Variants in CHD9 observed in about 807,000 individuals in gnomAD.
CHD9 encodes the protein chromodomain helicase DNA binding protein 9.
Under a neutral mutation model 316.1 loss-of-function variants are expected in CHD9, and 77 were observed. That is an observed-to-expected ratio of 0.24 (90% CI 0.20 to 0.29). The LOEUF (loss-of-function observed/expected upper bound fraction) is 0.29, where lower values mean the gene tolerates loss of function less well. Among genes scored for constraint, CHD9 ranks in the 10% least tolerant of loss-of-function variants. The pLI is 1.00. For missense variants in CHD9, 2,763 were observed against 3,438.1 expected (o/e 0.80, Z 4.91); for synonymous variants, 1,129 against 1,158.3 (o/e 0.97, Z 0.51).
chr16:53,158,552 AATAAAGG>A (rs1273363600), intron 2 of CHD9, among the ~76,000 whole-genome samples: 1 of 152,220 alleles, frequency 6.6e-6, no homozygotes, highest in East Asian at 1.9e-4. Flanking sequence ...AATGTGAAAT[AATAAAGG>A]ATTAATAGAT....
chr16:53,079,918 G>C (rs971777775), intron 1 of CHD9, among the ~76,000 whole-genome samples: 3 of 152,166 alleles, frequency 2.0e-5, no homozygotes, highest in Non-Finnish European at 4.4e-5. Flanking sequence ...TAAACATAAG[G>C]AAAGTGTTTC....
At chr16:53,217,020 C>T (rs2046815600) in intron 3 of CHD9, among the ~76,000 whole-genome samples, 1 of 152,078 alleles carries the variant, frequency 6.6e-6, no homozygotes, top group African/African-American at 2.4e-5. Flanking sequence ...TCCTGTTAAC[C>T]AATCTGCAGA....
intron 12 of CHD9, among the ~76,000 whole-genome samples, chr16:53,241,521 C>T (rs1443233644): frequency 2.0e-5 from 3 of 152,206 alleles, no homozygotes; most frequent in African/African-American, 7.2e-5. Flanking sequence ...TTAACAACTC[C>T]ACATGGATAT....
chr16:53,245,312 G>A lies in CHD9; in HGVS notation c.3055-24G>A, dbSNP rs757966652. 1 of 1,478,032 alleles carries A rather than the reference G, an allele frequency of 6.8e-7. No individual in the cohort carries two copies. The highest frequency in any genetic ancestry group is 9.0e-7 in the Non-Finnish European group (1 of 1,114,964). 91.6% of individuals were successfully genotyped at this position (1,478,032 alleles called of 1,614,324 possible). A position where few individuals can be genotyped will look rare whatever the true frequency, so the allele number is the denominator to read the frequency against. ...TAATTTTAGTACTGTGATGTTTGATGTGAATTGTTCTCACTTTTTGTAGGA... is the reference window on the plus strand; with the variant it reads ...TAATTTTAGTACTGTGATGTTTGATATGAATTGTTCTCACTTTTTGTAGGA... On this transcript the variant is annotated intron_variant, in intron 13 of 38. Transcript: ENST00000447540. This position sits in a 1 kb window ranked among gnomAD's most constrained non-coding sequence, Gnocchi z 4.1.
intron 31 of CHD9, 41 bp from the exon 32 acceptor site, chr16:53,306,196 A>G (rs1178459492): frequency 8.1e-7 from 1 of 1,230,772 alleles, no homozygotes; most frequent in Non-Finnish European, 1.1e-6. Context: ...AAACTATTTT[A>G]TGTAGTCTTT....
intron 2 of CHD9, chr16:53,169,381 T>A (rs144419278): frequency 6.6e-6 from 1 of 152,136 alleles, no homozygotes; most frequent in Non-Finnish European, 1.5e-5. Context: ...TAAGGCTAGA[T>A]CTCAACTGGT....
At chr16:53,104,792 A>T (rs2037179549) in intron 1 of CHD9, among the ~76,000 whole-genome samples, 1 of 149,524 alleles carries the variant, frequency 6.7e-6, no homozygotes, top group African/African-American at 2.5e-5. Context: ...AGCCCGGGTG[A>T]CAGAATGAAA....
chr16:53,279,817 C>T (rs1473801036), intron 24 of CHD9, among the ~76,000 whole-genome samples: 1 of 151,922 alleles, frequency 6.6e-6, no homozygotes, highest in Non-Finnish European at 1.5e-5. Flanking sequence ...ACACAACAAA[C>T]TCAAATTAGA....
At chr16:53,117,276 A>C (rs2152638556) in intron 1 of CHD9, among the ~76,000 whole-genome samples, 1 of 152,334 alleles carries the variant, frequency 6.6e-6, no homozygotes, top group Admixed American at 6.5e-5. Context: ...CCTGTATGAC[A>C]CCATGATAAA....
At chr16:53,094,023 A>C (rs1340468771) in intron 1 of CHD9, among the ~76,000 whole-genome samples, 1 of 152,084 alleles carries the variant, frequency 6.6e-6, no homozygotes, top group Non-Finnish European at 1.5e-5. Context: ...GGCCTGGAGG[A>C]GACTTTATCT....
At chr16:53,117,982 C>G (rs185688814) in intron 1 of CHD9, among the ~76,000 whole-genome samples, 20 of 152,040 alleles carry the variant, frequency 1.3e-4, no homozygotes, top group East Asian at 3.9e-4. Flanking sequence ...CCCGCCACCA[C>G]GCCCAGCTAA....
intron 1 of CHD9, among the ~76,000 whole-genome samples, chr16:53,154,719 C>T (rs1417587839): frequency 3.3e-5 from 5 of 152,160 alleles, no homozygotes; most frequent in Non-Finnish European, 5.9e-5. Flanking sequence ...TGACAGGAGG[C>T]GGAGCTCAGG....
intron 1 of CHD9, among the ~76,000 whole-genome samples, chr16:53,106,034 G>A (rs2037320517): frequency 6.6e-6 from 1 of 152,002 alleles, no homozygotes; most frequent in African/African-American, 2.4e-5. Flanking sequence ...ATGTTGACCA[G>A]GCTTCGAACT....
chr16:53,292,750 A>C (rs878908870), intron 28 of CHD9, 83 bp from the exon 29 acceptor site: 2 of 1,132,826 alleles, frequency 1.8e-6, no homozygotes, highest in Admixed American at 2.2e-5. Context: ...TTGAATTAAA[A>C]ATTTTTAAAG....
chr16:53,324,866 G>C lies in CHD9; in HGVS notation c.8665G>C (p.Glu2889Gln), dbSNP rs1306284956. 6.2e-7 allele frequency: 1 copy of C among 1,601,522 alleles called. No individual in the cohort carries two copies. The highest frequency in any genetic ancestry group is 1.3e-5 in the African/African-American group (1 of 74,190). Residue 2889 changes from glutamate (E) to glutamine (Q), a missense_variant, in exon 39 of 39, where the codon GAG becomes CAG. Glu to Gln is a conservative substitution (Grantham distance 29). Coordinates refer to ENST00000447540, the MANE Select transcript of CHD9 (RefSeq NM_001308319.2). Reference sequence around the variant, plus strand: ...ATCTGATAGTACATCGTCGTCATCTGAGGATTCAGATTCTAGTAATGAAGA... The same window carrying C: ...ATCTGATAGTACATCGTCGTCATCTCAGGATTCAGATTCTAGTAATGAAGA... ...SGSDSTSSSS[E>Q]DSDSSNED
intron 1 of CHD9, among the ~76,000 whole-genome samples, chr16:53,058,309 C>T (rs976008195): frequency 4.6e-5 from 7 of 152,044 alleles, no homozygotes; most frequent in African/African-American, 1.2e-4. Context: ...TTAGTAGAGA[C>T]GAGGTTTCAC....
intron 22 of CHD9, 149 bp from the exon 23 acceptor site, chr16:53,273,477 T>C (rs886199432): frequency 4.0e-6 from 2 of 502,734 alleles, no homozygotes; most frequent in African/African-American, 3.8e-5. Flanking sequence ...TCATCTTGAT[T>C]TGTGGTTGGG....
chr16:53,209,364 A>T, intron 2 of CHD9, 118 bp from the exon 3 acceptor site: 1 of 709,692 alleles, frequency 1.4e-6, no homozygotes, highest in Non-Finnish European at 2.3e-6. Context: ...TGTAGCACTC[A>T]CATATTTGCT....
At chr16:53,239,931 G>A (rs1194913144) in intron 12 of CHD9, among the ~76,000 whole-genome samples, 4 of 152,088 alleles carry the variant, frequency 2.6e-5, no homozygotes, top group Admixed American at 1.3e-4. Flanking sequence ...GCTTAATTTC[G>A]TATAAATGTA....
Sources: gnomAD v4.1 joint callset for allele counts (sites outside exome capture counted in the v4.1 genomes callset) on GRCh38, gnomAD v4.1.1 for gene constraint, Gnocchi (gnomAD v3.1) non-coding constraint, MANE v1.5 for transcripts, NCBI Gene and HGNC (gene_info 2026-07-23, HGNC 2026-07-21) for gene names.